Variants in MAX observed in about 807,000 individuals in gnomAD.
The protein encoded by MAX is MYC associated transcriptional regulator X.
MAX carries 3 observed loss-of-function variants against 22.3 expected under a neutral mutation model. The ratio of observed to expected loss-of-function variants is 0.13; its 90% CI spans 0.06 to 0.35. The LOEUF (loss-of-function observed/expected upper bound fraction) is 0.35, where lower values mean the gene tolerates loss of function less well. Ranked by LOEUF, MAX falls within the 10% of genes least tolerant of loss-of-function variation. The pLI, the probability that MAX is intolerant of heterozygous loss-of-function variation, is 1.00. For missense variants in MAX, 119 were observed against 209.4 expected, an observed-to-expected ratio of 0.57 and a Z score of 2.66; for synonymous variants, 72 against 77.7, an observed-to-expected ratio of 0.93 and a Z score of 0.39.
chr14:65,056,175 T>G (rs1461119941), intron 3 of MAX, among the ~76,000 whole-genome samples: 1 of 152,258 alleles, frequency 6.6e-6, no homozygotes, highest in African/African-American at 2.4e-5. Context: ...TACCAGTCAT[T>G]CTGCATTGCT....
At position 65,042,936 on chromosome 14, in the gene MAX, G is replaced by C. The variant is rs562103298; in HGVS notation, c.172-36652C>G. On this transcript the variant is annotated intron_variant, in intron 3 of 3. Coordinates refer to the MAX transcript ENST00000341653. The stretch of plus-strand genomic sequence containing the variant: ...CTGAACCTGCAGTACAGTGTTTTCT[G>C]TCTCTTTTAAGCATTTGTGACTGTG... Among the ~76,000 whole-genome samples, 5 of 152,292 alleles carry C rather than the reference G, an allele frequency of 3.3e-5. No homozygotes were observed. In the South Asian group the frequency reaches 1.0e-3, roughly 32 times the overall value.
rs529803747 is a variant in MAX at position 65,024,791 on chromosome 14, T to C, written c.172-18507A>G. Among the ~76,000 whole-genome samples the C allele has an allele frequency of 9.3e-4, 141 of 152,214 alleles. 8 individuals are homozygous for C. The South Asian group carries it at 0.024, about 26-fold the overall frequency. On this transcript the variant is annotated intron_variant, in intron 3 of 3. Transcript: ENST00000341653. ...CCCCTACATTTGTGGGAAAAAAAAATATTTTTTTGTAGAGCTGGGGTCTCA... is the reference window on the plus strand; with the variant it reads ...CCCCTACATTTGTGGGAAAAAAAAACATTTTTTTGTAGAGCTGGGGTCTCA...
chr14:65,040,717 A>G lies in MAX; in HGVS notation c.172-34433T>C, dbSNP rs952413566. ...AATCTGAGTGAACTTTTTCTCTGCC[A>G]CCTAGGATGGTCCTGGTCTTGTGTA... is the stretch of plus-strand genomic sequence containing the variant. On this transcript the variant is annotated intron_variant, in intron 3 of 3. Coordinates refer to the MAX transcript ENST00000341653. The G allele has an allele frequency of 2.0e-6, 3 of 1,503,434 alleles. No individual in the cohort carries two copies. In the African/African-American group the frequency reaches 4.2e-5, roughly 21 times the overall value. 93.1% of individuals were successfully genotyped at this position (1,503,434 alleles called of 1,614,324 possible).
At chr14:65,089,152 C>T (rs935903308) in intron 3 of MAX, among the ~76,000 whole-genome samples, 28 of 152,144 alleles carry the variant, frequency 1.8e-4, no homozygotes, top group African/African-American at 6.5e-4. Context: ...TATAGTTGAG[C>T]ACATAATATT....
intron 3 of MAX, among the ~76,000 whole-genome samples, chr14:65,057,428 T>G (rs1200487542): frequency 2.0e-5 from 3 of 152,094 alleles, no homozygotes; most frequent in African/African-American, 4.8e-5. Flanking sequence ...CCAGCACCCC[T>G]TCCCCACAAA....
chr14:65,044,679 C>A lies in MAX; in HGVS notation c.172-38395G>T, dbSNP rs2062435460. ...AATTGGCTGCGACAGAATGAGCTTCCTTGAAATTGCTACGGGGAGCGGGGA... is the reference window on the plus strand; with the variant it reads ...AATTGGCTGCGACAGAATGAGCTTCATTGAAATTGCTACGGGGAGCGGGGA... On this transcript the variant is annotated intron_variant, in intron 3 of 3. Coordinates refer to the MAX transcript ENST00000341653. This position sits in a 1 kb window ranked among gnomAD's most constrained non-coding sequence, Gnocchi z 5.5. 2 of 606,966 alleles carry A rather than the reference C, an allele frequency of 3.3e-6. No homozygotes were observed. Among genetic ancestry groups the A allele is most frequent in the East Asian group, 7.4e-5 (2 of 27,194 alleles). The allele number at this position is 606,966 out of a possible 1,614,324, so 37.6% of individuals were successfully genotyped here.
intron 3 of MAX, chr14:65,016,362 C>G (rs1441530980): frequency 6.6e-6 from 1 of 152,244 alleles, no homozygotes; most frequent in East Asian, 1.9e-4. Context: ...AAAGACTGAT[C>G]ATGACTCCAG....
chr14:65,037,292 T>TGG (rs1424949839), intron 3 of MAX, among the ~76,000 whole-genome samples: 2 of 149,104 alleles, frequency 1.3e-5, no homozygotes, highest in African/African-American at 2.5e-5. Flanking sequence ...TTAGTAGAGA[T>TGG]GGGGTTTTAC....
In MAX at chr14:65,054,129, T is replaced by C. The variant is rs912761459; in HGVS notation, c.171+39579A>G. Among the ~76,000 whole-genome samples the C allele has an allele frequency of 2.0e-5, 3 of 152,076 alleles. No individual in the cohort carries two copies. The highest frequency in any genetic ancestry group is 4.4e-5 in the Non-Finnish European group (3 of 68,024). On this transcript the variant is annotated intron_variant, in intron 3 of 3. Coordinates refer to the MAX transcript ENST00000341653. This position sits in a 1 kb window ranked among gnomAD's most constrained non-coding sequence, Gnocchi z 4.4. ...TTTTATTTTATTGTATTTTACTTTTTTGAGACAGGGTCTCACTCTGTCACC... is the reference window on the plus strand; with the variant it reads ...TTTTATTTTATTGTATTTTACTTTTCTGAGACAGGGTCTCACTCTGTCACC...
chr14:65,040,743 C>T (rs1412895699), intron 3 of MAX: 6 of 1,588,392 alleles, frequency 3.8e-6, no homozygotes, highest in Non-Finnish European at 3.4e-6. Context: ...GTCTTGTGTA[C>T]GTCCACTCAC....
Position 65,044,458 on chromosome 14 carries a change from CTGTTCACT to C in MAX, c.172-38182_172-38175del. On this transcript the variant is annotated intron_variant, in intron 3 of 3. Coordinates refer to the MAX transcript ENST00000341653. The surrounding 1 kb of genome is among the most constrained non-coding windows in gnomAD (Gnocchi z 5.5). ...GCACGCCCAAGGTGAGCCTGGGGAG[CTGTTCACT>C]TGGGGCTGGATGATTTCCCTCCACT... 6.3e-7 allele frequency: 1 copy of C among 1,595,510 alleles called. No homozygotes were observed.
rs1333930817 is a variant in MAX at position 65,102,431 on chromosome 14, TCC to T, written c.-94_-93del. ...AAGTCACCGACAACAACAAGCCGAG[TCC>T]CCCCCACACACACACTCACTCACTC... On this transcript the variant is annotated 5_prime_UTR_variant, in exon 1 of 5. Transcript: ENST00000358664. The T allele has an allele frequency of 6.4e-7, 1 of 1,553,648 alleles. No homozygotes were observed. The highest frequency in any genetic ancestry group is 8.7e-7 in the Non-Finnish European group (1 of 1,152,640).
intron 3 of MAX, among the ~76,000 whole-genome samples, chr14:65,045,408 C>T (rs1257473618): frequency 1.7e-4 from 22 of 132,376 alleles, no homozygotes; most frequent in African/African-American, 4.5e-4. Flanking sequence ...CCCCACCCCC[C>T]GTCTTCCCCC....
chr14:65,054,746 G>C lies in MAX; in HGVS notation c.171+38962C>G, dbSNP rs991885041. 13 of 1,535,722 alleles carry C rather than the reference G, an allele frequency of 8.5e-6. No individual in the cohort carries two copies. Among genetic ancestry groups the C allele is most frequent in the Middle Eastern group, 1.7e-4 (1 of 5,762 alleles). ...TCCACAGGGACCTCGCGGACAGAAG[G>C]CTTTCCAAGTAAGCAGAACTGGCTC... On this transcript the variant is annotated intron_variant, in intron 3 of 3. Transcript: ENST00000341653. This position sits in a 1 kb window ranked among gnomAD's most constrained non-coding sequence, Gnocchi z 4.4.
intron 3 of MAX, among the ~76,000 whole-genome samples, chr14:65,022,718 C>G (rs2061911812): frequency 6.6e-6 from 1 of 151,706 alleles, no homozygotes; most frequent in Non-Finnish European, 1.5e-5. Context: ...CATGTGAATT[C>G]CCTTTGAGGT....
At chr14:65,092,285 C>A (rs1394646934) in intron 3 of MAX, among the ~76,000 whole-genome samples, 3 of 152,292 alleles carry the variant, frequency 2.0e-5, no homozygotes, top group South Asian at 2.1e-4. Context: ...CCGCAACTCA[C>A]CCCTTGAGAA....
At chr14:65,045,560 C>T (rs1258410167) in intron 3 of MAX, among the ~76,000 whole-genome samples, 2 of 151,960 alleles carry the variant, frequency 1.3e-5, no homozygotes, top group African/African-American at 2.4e-5. Flanking sequence ...GGACTACAGG[C>T]GCGTGCCACC....
In MAX at chr14:65,078,187, CTTTA is replaced by C. The variant is rs1361698480; in HGVS notation, c.172-155_172-152del. On this transcript the variant is annotated intron_variant, in intron 3 of 4. Coordinates refer to ENST00000358664, the MANE Select transcript of MAX (RefSeq NM_002382.5). The surrounding 1 kb of genome is among the most constrained non-coding windows in gnomAD (Gnocchi z 6.4). Reference sequence around the variant, plus strand: ...GAAATACAATAATGGCTACTGTAGGCTTTATTTATTTATTTATTTTTTTATTTTT... The same window carrying C: ...GAAATACAATAATGGCTACTGTAGGCTTTATTTATTTATTTTTTTATTTTT... 19 of 752,280 alleles carry C rather than the reference CTTTA, an allele frequency of 2.5e-5. No individual in the cohort carries two copies. The highest frequency in any genetic ancestry group is 3.5e-5 in the South Asian group (2 of 57,682). 46.6% of individuals were successfully genotyped at this position (752,280 alleles called of 1,614,324 possible). A position where few individuals can be genotyped will look rare whatever the true frequency, so the allele number is the denominator to read the frequency against.
At chr14:65,072,475 A>G (rs1483367849), downstream of MAX, among the ~76,000 whole-genome samples, 1 of 152,188 alleles carries the variant, frequency 6.6e-6, no homozygotes, top group Non-Finnish European at 1.5e-5. Flanking sequence ...CACTTCGCTA[A>G]TTCAGCTCAG....
Sources: gnomAD v4.1 joint callset for allele counts (sites outside exome capture counted in the v4.1 genomes callset) on GRCh38, gnomAD v4.1.1 for gene constraint, Gnocchi (gnomAD v3.1) non-coding constraint, MANE v1.5 for transcripts, NCBI Gene and HGNC (gene_info 2026-07-23, HGNC 2026-07-21) for gene names.